Variants in NKAIN2 observed in about 807,000 individuals in gnomAD.
The protein encoded by NKAIN2 is sodium/potassium-transporting ATPase subunit beta-1-interacting protein 2.
In NKAIN2, 14 loss-of-function variants were observed where a neutral mutation model predicts 32.6. The ratio of observed to expected loss-of-function variants is 0.43; its 90% CI spans 0.28 to 0.67. The LOEUF is 0.67. Ranked by LOEUF, NKAIN2 falls within the 30% of genes least tolerant of loss-of-function variation. NKAIN2 has a pLI of 0.17. For missense variants in NKAIN2, 198 were observed against 258.3 expected (o/e 0.77, Z 1.60); for synonymous variants, 80 against 87.2 (o/e 0.92, Z 0.46).
intron 1 of NKAIN2, among the ~76,000 whole-genome samples, chr6:124,230,154 G>A (rs1792374717): frequency 6.6e-6 from 1 of 152,116 alleles, no homozygotes; most frequent in South Asian, 2.1e-4. Context: ...GTTGAGAGCT[G>A]GAGCAAAGGT....
intron 1 of NKAIN2, among the ~76,000 whole-genome samples, chr6:123,868,152 G>A (rs1361511202): frequency 6.6e-6 from 1 of 152,178 alleles, no homozygotes; most frequent in African/African-American, 2.4e-5. Context: ...ACAGGCGTGA[G>A]CCACTGTGCC....
chr6:124,082,055 A>G (rs1330534851), intron 1 of NKAIN2, among the ~76,000 whole-genome samples: 1 of 151,998 alleles, frequency 6.6e-6, no homozygotes, highest in Non-Finnish European at 1.5e-5. Flanking sequence ...TGGGAAGGGT[A>G]TTTTAGGAAC....
chr6:124,306,050 G>T (rs1476328479), intron 2 of NKAIN2, among the ~76,000 whole-genome samples: 1 of 152,088 alleles, frequency 6.6e-6, no homozygotes, highest in African/African-American at 2.4e-5. Flanking sequence ...ACTAACTCCA[G>T]ATTAGTTTAT....
intron 1 of NKAIN2, among the ~76,000 whole-genome samples, chr6:124,067,585 G>A (rs1366032012): frequency 6.6e-6 from 1 of 152,154 alleles, no homozygotes. Flanking sequence ...AAATGTATTT[G>A]TTGAGCATTT....
At chr6:123,970,034 CAA>C (rs1364066329) in intron 1 of NKAIN2, among the ~76,000 whole-genome samples, 2 of 151,754 alleles carry the variant, frequency 1.3e-5, no homozygotes, top group Non-Finnish European at 2.9e-5. Flanking sequence ...ATTTTAAAAA[CAA>C]GATATGAGAG....
At chr6:124,096,341 C>A (rs554490385) in intron 1 of NKAIN2, among the ~76,000 whole-genome samples, 15 of 152,284 alleles carry the variant, frequency 9.9e-5, no homozygotes, top group African/African-American at 3.6e-4. Context: ...TCTCAAATAT[C>A]TCCAGGATAC....
intron 3 of NKAIN2, among the ~76,000 whole-genome samples, chr6:124,501,354 G>A (rs186826727): frequency 6.6e-6 from 1 of 152,154 alleles, no homozygotes; most frequent in Admixed American, 6.5e-5. Flanking sequence ...CTTAAATAAA[G>A]TGCATGAAGC....
At chr6:124,595,427 C>G (rs1256647196) in intron 3 of NKAIN2, among the ~76,000 whole-genome samples, 1 of 152,184 alleles carries the variant, frequency 6.6e-6, no homozygotes, top group Non-Finnish European at 1.5e-5. Context: ...ACTTCTGATG[C>G]ACCTGACATT....
At chr6:123,808,841 G>C (rs1773333255) in intron 1 of NKAIN2, among the ~76,000 whole-genome samples, 1 of 152,202 alleles carries the variant, frequency 6.6e-6, no homozygotes, top group South Asian at 2.1e-4. Flanking sequence ...AGGAATTTCA[G>C]AGTGGAAGTC....
chr6:124,746,091 G>A (rs1171815031), intron 4 of NKAIN2, among the ~76,000 whole-genome samples: 1 of 151,848 alleles, frequency 6.6e-6, no homozygotes, highest in Non-Finnish European at 1.5e-5. Context: ...AAAGCAGTGT[G>A]AGGTAGGTTT....
At chr6:124,775,097 A>G (rs2114769293) in intron 4 of NKAIN2, among the ~76,000 whole-genome samples, 1 of 152,330 alleles carries the variant, frequency 6.6e-6, no homozygotes, top group Non-Finnish European at 1.5e-5. Flanking sequence ...TCAATATTTG[A>G]TAATCAAATA....
intron 1 of NKAIN2, among the ~76,000 whole-genome samples, chr6:123,902,293 G>C (rs1216792197): frequency 1.3e-5 from 2 of 152,138 alleles, no homozygotes; most frequent in East Asian, 3.8e-4. Context: ...TGAGTGGCCT[G>C]TGAGGATGGA....
intron 1 of NKAIN2, among the ~76,000 whole-genome samples, chr6:123,887,676 A>G (rs558505045): frequency 4.6e-5 from 7 of 152,262 alleles, no homozygotes; most frequent in Non-Finnish European, 7.4e-5. Context: ...ATCTTACCAA[A>G]GATCTTCCAT....
chr6:124,264,585 ACCT>A (rs1178170893), intron 1 of NKAIN2, among the ~76,000 whole-genome samples: 1 of 152,096 alleles, frequency 6.6e-6, no homozygotes, highest in Admixed American at 6.6e-5. Context: ...TAGATATAAG[ACCT>A]CCTGTATCAC....
intron 3 of NKAIN2, among the ~76,000 whole-genome samples, chr6:124,482,937 A>AT (rs1777510753): frequency 6.6e-6 from 1 of 152,202 alleles, no homozygotes; most frequent in Non-Finnish European, 1.5e-5. Context: ...GATTGAGACC[A>AT]CGGTGAAACC....
chr6:124,173,334 C>T (rs1218705810), intron 1 of NKAIN2, among the ~76,000 whole-genome samples: 1 of 152,054 alleles, frequency 6.6e-6, no homozygotes, highest in Admixed American at 6.5e-5. Flanking sequence ...ACTTTTAGTA[C>T]GTGATTGGGA....
At chr6:124,671,503 C>T (rs1189995951) in intron 4 of NKAIN2, among the ~76,000 whole-genome samples, 2 of 152,072 alleles carry the variant, frequency 1.3e-5, no homozygotes, top group African/African-American at 4.8e-5. Context: ...GGATTTTCTT[C>T]TCATCTATAG....
At chr6:124,763,570 C>T (rs1265541666) in intron 4 of NKAIN2, among the ~76,000 whole-genome samples, 1 of 152,186 alleles carries the variant, frequency 6.6e-6, no homozygotes, top group Non-Finnish European at 1.5e-5. Context: ...CAGGCCCCAC[C>T]TTCACCATTG....
chr6:124,497,676 A>G (rs762255486), intron 3 of NKAIN2, among the ~76,000 whole-genome samples: 1 of 152,014 alleles, frequency 6.6e-6, no homozygotes, highest in Non-Finnish European at 1.5e-5. Context: ...ACTACATTAT[A>G]CACTATTTCT....
Sources: gnomAD v4.1 joint callset for allele counts (sites outside exome capture counted in the v4.1 genomes callset) on GRCh38, gnomAD v4.1.1 for gene constraint, MANE v1.5 for transcripts, NCBI Gene and HGNC (gene_info 2026-07-23, HGNC 2026-07-21) for gene names.